DOK6: variants seen among roughly 807,000 people sequenced by gnomAD.
DOK6 encodes the protein downstream of tyrosine kinase 6.
In DOK6, 22 loss-of-function variants were observed where a neutral mutation model predicts 44.0. That is an observed-to-expected ratio of 0.50 (90% CI 0.36 to 0.71). The LOEUF (loss-of-function observed/expected upper bound fraction) is 0.71. Ranked by LOEUF, DOK6 falls within the 30% of genes least tolerant of loss-of-function variation. The pLI, the probability that DOK6 is intolerant of heterozygous loss-of-function variation, is 0.00. For missense variants in DOK6, 340 were observed against 416.4 expected (o/e 0.82, Z 1.60); for synonymous variants, 166 against 145.5 (o/e 1.14, Z -1.01).
chr18:69,638,960 A>G (rs1984876235), intron 3 of DOK6, among the ~76,000 whole-genome samples: 5 of 152,192 alleles, frequency 3.3e-5, no homozygotes, highest in Admixed American at 3.3e-4. Context: ...TTCTCATTTG[A>G]TATTTATAAT....
intron 4 of DOK6, among the ~76,000 whole-genome samples, chr18:69,696,489 G>A (rs1255444368): frequency 6.6e-6 from 1 of 152,110 alleles, no homozygotes; most frequent in Non-Finnish European, 1.5e-5. Context: ...TATTTTTTCG[G>A]TTGCTAATTC....
intron 5 of DOK6, among the ~76,000 whole-genome samples, chr18:69,714,240 C>T (rs1453204328): frequency 6.6e-6 from 1 of 152,172 alleles, no homozygotes; most frequent in Non-Finnish European, 1.5e-5. Context: ...GAATAACAAA[C>T]TACAGTTGGG....
intron 5 of DOK6, among the ~76,000 whole-genome samples, chr18:69,702,531 C>A (rs1986545955): frequency 6.6e-6 from 1 of 152,178 alleles, no homozygotes; most frequent in South Asian, 2.1e-4. Flanking sequence ...TGGCAGCCAT[C>A]ATTTGGAGGC....
chr18:69,410,514 C>A (rs985254707), intron 1 of DOK6, among the ~76,000 whole-genome samples: 1 of 152,202 alleles, frequency 6.6e-6, no homozygotes, highest in Non-Finnish European at 1.5e-5. Context: ...TCCATTAAAT[C>A]CTTTATGTAA....
At chr18:69,678,614 T>C (rs1985977246) in intron 4 of DOK6, among the ~76,000 whole-genome samples, 1 of 152,218 alleles carries the variant, frequency 6.6e-6, no homozygotes, top group African/African-American at 2.4e-5. Context: ...GTTGACTTAC[T>C]ACACTGTTCT....
intron 4 of DOK6, among the ~76,000 whole-genome samples, chr18:69,692,634 A>G (rs1292146565): frequency 6.6e-6 from 1 of 152,250 alleles, no homozygotes; most frequent in African/African-American, 2.4e-5. Flanking sequence ...TAATAAAAAC[A>G]ATGAAGTGAA....
intron 1 of DOK6, among the ~76,000 whole-genome samples, chr18:69,435,040 AAGGAAGGAAGGAAGGAAGG>A (rs1978931451): frequency 8.5e-6 from 1 of 117,066 alleles, no homozygotes; most frequent in Non-Finnish European, 1.9e-5. Flanking sequence ...GGAAGGAAGG[AAGGAAGGAAGGAAGGAAGG>A]AAGGAAGGAA....
intron 4 of DOK6, among the ~76,000 whole-genome samples, chr18:69,678,277 A>T (rs887767017): frequency 6.6e-6 from 1 of 152,190 alleles, no homozygotes; most frequent in African/African-American, 2.4e-5. Context: ...TAAACTGAAC[A>T]GTTCAAGTTA....
At chr18:69,676,394 C>T (rs1395069811) in intron 3 of DOK6, among the ~76,000 whole-genome samples, 1 of 152,030 alleles carries the variant, frequency 6.6e-6, no homozygotes, top group African/African-American at 2.4e-5. Flanking sequence ...AGAAAGAAAA[C>T]ATTACCCAAA....
intron 7 of DOK6, among the ~76,000 whole-genome samples, chr18:69,759,326 A>G (rs531058983): frequency 6.6e-6 from 1 of 152,200 alleles, no homozygotes; most frequent in African/African-American, 2.4e-5. Flanking sequence ...AAATAATTTG[A>G]AAGTATGCTT....
chr18:69,638,431 G>T (rs1356981622), intron 3 of DOK6, among the ~76,000 whole-genome samples: 2 of 151,550 alleles, frequency 1.3e-5, no homozygotes, highest in Non-Finnish European at 2.9e-5. Flanking sequence ...AACACATCAG[G>T]TGATTTTTAT....
intron 2 of DOK6, among the ~76,000 whole-genome samples, chr18:69,575,143 T>C (rs1056887792): frequency 2.0e-5 from 3 of 152,148 alleles, no homozygotes; most frequent in South Asian, 4.1e-4. Context: ...TGTAACTGAC[T>C]GTGTATAGGG....
intron 5 of DOK6, among the ~76,000 whole-genome samples, chr18:69,709,029 G>A (rs945041954): frequency 2.6e-5 from 4 of 152,254 alleles, no homozygotes; most frequent in South Asian, 2.1e-4. Context: ...ACAGTGAACC[G>A]AGTGTGAACT....
intron 1 of DOK6, among the ~76,000 whole-genome samples, chr18:69,488,624 C>T (rs1980649731): frequency 6.6e-6 from 1 of 152,166 alleles, no homozygotes; most frequent in South Asian, 2.1e-4. Flanking sequence ...TACATGGCAG[C>T]AGGCAATAGA....
chr18:69,551,271 T>A (rs1354666033), intron 1 of DOK6, among the ~76,000 whole-genome samples: 1 of 152,198 alleles, frequency 6.6e-6, no homozygotes, highest in Non-Finnish European at 1.5e-5. Flanking sequence ...TTTCAAGTAC[T>A]TTTTAGGCAT....
chr18:69,738,687 A>G (rs17791659), intron 5 of DOK6, among the ~76,000 whole-genome samples: 21,972 of 152,274 alleles, frequency 0.14, 1,646 homozygotes, highest in Middle Eastern at 0.23. Context: ...ATCCACTGTC[A>G]TTGCCTAAAT....
At chr18:69,509,442 C>T (rs374649021) in intron 1 of DOK6, among the ~76,000 whole-genome samples, 9 of 152,042 alleles carry the variant, frequency 5.9e-5, no homozygotes, top group South Asian at 2.1e-4. Flanking sequence ...TCGAGACCAT[C>T]CTGGCTAACA....
At chr18:69,696,260 T>G (rs1039379329) in intron 4 of DOK6, among the ~76,000 whole-genome samples, 1 of 152,228 alleles carries the variant, frequency 6.6e-6, no homozygotes, top group Non-Finnish European at 1.5e-5. Flanking sequence ...GAAAATGTGA[T>G]GGTCCTTCTG....
chr18:69,657,140 A>G (rs549368565), intron 3 of DOK6, among the ~76,000 whole-genome samples: 30 of 152,364 alleles, frequency 2.0e-4, no homozygotes, highest in Middle Eastern at 6.8e-3. Flanking sequence ...ACTTTTTACA[A>G]GATAAATGCA....
Sources: allele counts gnomAD v4.1 joint callset (sites outside exome capture counted in the v4.1 genomes callset), GRCh38; gene constraint gnomAD v4.1.1; transcripts MANE v1.5; gene names NCBI Gene and HGNC (gene_info 2026-07-23, HGNC 2026-07-21).